Variants in ACSL5 observed in about 807,000 individuals in gnomAD.
The protein encoded by ACSL5 is acyl-CoA synthetase long chain family member 5.
ACSL5 carries 50 observed loss-of-function variants against 84.9 expected under a neutral mutation model. The observed-to-expected ratio is 0.59, with a 90% CI of 0.47 to 0.75. ACSL5 has a LOEUF of 0.75. Among genes scored for constraint, ACSL5 ranks in the 30% least tolerant of loss-of-function variants. The pLI is 0.00. For synonymous variants in ACSL5, 280 were observed against 300.7 expected (o/e 0.93, Z 0.71); for missense variants, 775 against 830.4 (o/e 0.93, Z 0.82).
At chr10:112,382,473 G>A (rs1161708366) in intron 1 of ACSL5, among the ~76,000 whole-genome samples, 2 of 152,220 alleles carry the variant, frequency 1.3e-5, no homozygotes, top group Admixed American at 1.3e-4. Flanking sequence ...GTCACTATGT[G>A]CATGAGTGCT....
At chr10:112,401,059 A>T (rs780898939) in intron 3 of ACSL5, among the ~76,000 whole-genome samples, 33 of 152,150 alleles carry the variant, frequency 2.2e-4, no homozygotes, top group South Asian at 4.1e-4. Flanking sequence ...CTACTTACAT[A>T]GAAAAATGAT....
rs1048662056 is a variant in ACSL5, at chr10:112,425,589, T to C, written c.1737+108T>C. 5.8e-6 allele frequency: 4 copies of C among 688,496 alleles called. No homozygotes were observed. In the African/African-American group the frequency reaches 6.7e-5, roughly 11 times the overall value. 42.6% of individuals were successfully genotyped at this position (688,496 alleles called of 1,614,324 possible). A position where few individuals can be genotyped will look rare whatever the true frequency, so the allele number is the denominator to read the frequency against. ...TTCAGAATGAGAAGATCCAAGCTTA[T>C]AAAACTAAAAAAAAAAAAAAAAATG... On this transcript the variant is annotated intron_variant, in intron 18 of 20. Coordinates refer to ENST00000354655, the MANE Select transcript of ACSL5 (RefSeq NM_203379.2).
At chr10:112,382,274 A>C (rs1849365401) in intron 1 of ACSL5, among the ~76,000 whole-genome samples, 1 of 152,254 alleles carries the variant, frequency 6.6e-6, no homozygotes, top group Non-Finnish European at 1.5e-5. Flanking sequence ...TGCTGTGTGC[A>C]TAGAAGCATG....
chr10:112,405,149 G>T (rs1844003393), intron 5 of ACSL5, among the ~76,000 whole-genome samples: 1 of 152,152 alleles, frequency 6.6e-6, no homozygotes, highest in African/African-American at 2.4e-5. Flanking sequence ...ATTAGTATTA[G>T]AACTGAAACT....
chr10:112,376,205 A>G, intron 1 of ACSL5: 1 of 1,470,426 alleles, frequency 6.8e-7, no homozygotes, highest in Non-Finnish European at 9.2e-7. Flanking sequence ...AATTAAAACC[A>G]GGAAGTGAAG....
chr10:112,386,036 C>T (rs569370437), intron 1 of ACSL5, among the ~76,000 whole-genome samples: 13 of 152,066 alleles, frequency 8.5e-5, no homozygotes, highest in Admixed American at 2.6e-4. Context: ...CCAGTTGTCT[C>T]AGTACGTTTA....
intron 1 of ACSL5, among the ~76,000 whole-genome samples, chr10:112,377,466 G>A (rs760669770): frequency 7.2e-5 from 11 of 152,264 alleles, no homozygotes; most frequent in Admixed American, 2.0e-4. Context: ...CCTAGGAGGC[G>A]GAGGTTGCAG....
chr10:112,397,426 T>G (rs1843773767), intron 2 of ACSL5, among the ~76,000 whole-genome samples: 1 of 152,124 alleles, frequency 6.6e-6, no homozygotes, highest in Non-Finnish European at 1.5e-5. Context: ...TGCCTTGGCC[T>G]CTCAAAGTGC....
chr10:112,384,179 C>A (rs1849405195), intron 1 of ACSL5, among the ~76,000 whole-genome samples: 1 of 152,048 alleles, frequency 6.6e-6, no homozygotes, highest in South Asian at 2.1e-4. Context: ...GAGCAAGACT[C>A]TGTCTCAGAA....
In ACSL5 at chr10:112,411,969, G is replaced by T. The variant is rs751497465; in HGVS notation, c.938G>T (p.Arg313Met). The T allele has an allele frequency of 5.0e-6, 8 of 1,612,748 alleles. No individual in the cohort carries two copies. The Admixed American group carries it at 1.0e-4, about 20-fold the overall frequency. The change falls in exon 11 of 21, where the codon AGG (arginine) becomes ATG (methionine). Residue 313 changes from arginine (R) to methionine (M), a missense_variant. Coordinates refer to ENST00000354655, the MANE Select transcript of ACSL5 (RefSeq NM_203379.2). The part of the protein sequence containing the change: ...SYLPLAHMFE[R>M]IVQAVVYSCG... Reference sequence around the variant, plus strand: ...CTCCCTCTGGCTCATATGTTTGAGAGGATTGTACAGGTGAGTGTTCTGTGT... The same window carrying T: ...CTCCCTCTGGCTCATATGTTTGAGATGATTGTACAGGTGAGTGTTCTGTGT...
At chr10:112,409,424 T>G (rs1486013732) in intron 6 of ACSL5, 83 bp from the exon 7 acceptor site, 1 of 1,373,616 alleles carries the variant, frequency 7.3e-7, no homozygotes, top group Admixed American at 2.0e-5. Flanking sequence ...CTTTGAAAAC[T>G]TTTAAAACCT....
At chr10:112,395,180 T>G in intron 2 of ACSL5, 78 bp downstream of exon 2, 2 of 1,403,310 alleles carry the variant, frequency 1.4e-6, no homozygotes, top group Non-Finnish European at 2.0e-6. Flanking sequence ...GGATAGCTCA[T>G]GAAGGGGATT....
intron 13 of ACSL5, 23 bp from the exon 14 acceptor site, chr10:112,417,823 T>C: frequency 1.2e-6 from 2 of 1,604,630 alleles, no homozygotes; most frequent in Non-Finnish European, 1.7e-6. Context: ...GGTTTTAGTA[T>C]GTCTTTTGTT....
At chr10:112,425,628 A>T in intron 18 of ACSL5, 147 bp downstream of exon 18, 1 of 723,266 alleles carries the variant, frequency 1.4e-6, no homozygotes, top group Non-Finnish European at 2.0e-6. Context: ...TTACATTCCA[A>T]ACCTCAAATA....
chr10:112,418,860 G>A (rs1391234541), intron 14 of ACSL5: 6 of 147,266 alleles, frequency 4.1e-5, no homozygotes, highest in Admixed American at 2.8e-4. Context: ...TGAGGAGGAA[G>A]AAGAGGAGGG....
rs1349164179 is a variant in ACSL5, at chr10:112,425,362, C to A, written c.1618C>A (p.Arg540Ser). The change falls in exon 18 of 21, where the codon CGT becomes AGT. Residue 540 changes from arginine (R) to serine (S), a missense_variant. Coordinates refer to ENST00000354655, the MANE Select transcript of ACSL5 (RefSeq NM_203379.2). ...LPNGTLKIID[R>S]KKNIFKLAQG... The stretch of plus-strand genomic sequence containing the variant: ...GAATGGAACTCTGAAGATCATCGAC[C>A]GTAAAAAGAACATTTTCAAGCTGGC... 6.2e-7 allele frequency: 1 copy of A among 1,611,268 alleles called. No individual in the cohort carries two copies. Among genetic ancestry groups the A allele is most frequent in the South Asian group, 1.1e-5 (1 of 90,730 alleles).
At chr10:112,413,082 G>C in intron 11 of ACSL5, 91 bp from the exon 12 acceptor site, 2 of 1,429,224 alleles carry the variant, frequency 1.4e-6, no homozygotes, top group East Asian at 2.3e-5. Context: ...GGGGTTGTTT[G>C]CCTCAGCCCA....
intron 12 of ACSL5, among the ~76,000 whole-genome samples, chr10:112,414,188 T>TGA (rs989192632): frequency 1.3e-5 from 2 of 152,176 alleles, no homozygotes; most frequent in Admixed American, 6.5e-5. Context: ...ATTCATTAGC[T>TGA]GAGATTCTTC....
intron 14 of ACSL5, among the ~76,000 whole-genome samples, chr10:112,420,362 C>A (rs1055545509): frequency 1.3e-4 from 20 of 152,276 alleles, no homozygotes; most frequent in Admixed American, 1.2e-3. Flanking sequence ...AACTAGTCTG[C>A]AGCTGGTTTT....
Sources: allele counts gnomAD v4.1 joint callset (sites outside exome capture counted in the v4.1 genomes callset), GRCh38; gene constraint gnomAD v4.1.1; transcripts MANE v1.5; gene names NCBI Gene and HGNC (gene_info 2026-07-23, HGNC 2026-07-21).